The following MYO16 variants were observed in gnomAD, a reference collection of about 807,000 sequenced individuals.
MYO16 encodes the protein unconventional myosin-XVI.
In MYO16, 94 loss-of-function variants were observed where a neutral mutation model predicts 205.3. That is an observed-to-expected ratio of 0.46 (90% CI 0.39 to 0.54). MYO16 has a LOEUF of 0.54. Ranked by LOEUF, MYO16 falls within the 20% of genes least tolerant of loss-of-function variation. MYO16 has a pLI of 0.00. For missense variants in MYO16, 2,315 were observed against 2,387.5 expected, an observed-to-expected ratio of 0.97 and a Z score of 0.63; for synonymous variants, 988 against 954.0, an observed-to-expected ratio of 1.04 and a Z score of -0.66.
At chr13:108,796,990 G>C (rs1886815528) in intron 6 of MYO16, among the ~76,000 whole-genome samples, 1 of 152,042 alleles carries the variant, frequency 6.6e-6, no homozygotes, top group African/African-American at 2.4e-5. Flanking sequence ...GTAAACCGGA[G>C]AGTTTGTTTA....
chr13:108,798,294 G>A (rs2138959488), intron 6 of MYO16, among the ~76,000 whole-genome samples: 1 of 152,224 alleles, frequency 6.6e-6, no homozygotes, highest in Admixed American at 6.5e-5. Context: ...TTCAAAATTA[G>A]GCATAAATTT....
chr13:109,097,344 T>C (rs553441530), intron 27 of MYO16, among the ~76,000 whole-genome samples: 65 of 152,106 alleles, frequency 4.3e-4, no homozygotes, highest in Non-Finnish European at 8.4e-4. Context: ...GGTACTGATA[T>C]CATGTGAGAG....
chr13:108,712,658 C>T lies in MYO16; in HGVS notation c.293-3C>T, dbSNP rs767248628. The T allele has an allele frequency of 3.7e-6, 6 of 1,613,914 alleles. No individual in the cohort carries two copies. The highest frequency in any genetic ancestry group is 5.1e-6 in the Non-Finnish European group (6 of 1,179,762). ...ACTCCATTCTCCTCTCTGTTGTTTT[C>T]AGTGCTTCGGCTCCTGAAGGAGGGG... is the stretch of plus-strand genomic sequence containing the variant. On this transcript the variant is annotated splice_polypyrimidine_tract_variant and splice_region_variant and intron_variant, in intron 2 of 34. Transcript: ENST00000457511.
intron 3 of MYO16, among the ~76,000 whole-genome samples, chr13:108,726,885 ACT>A (rs1241402643): frequency 9.2e-5 from 14 of 151,770 alleles, no homozygotes; most frequent in Admixed American, 2.0e-4. Context: ...ATTTTAGGAG[ACT>A]CTTAAATTTC....
intron 32 of MYO16, among the ~76,000 whole-genome samples, chr13:109,150,802 G>A (rs1877618294): frequency 6.6e-6 from 1 of 152,176 alleles, no homozygotes; most frequent in Non-Finnish European, 1.5e-5. Flanking sequence ...TGTATATTGT[G>A]TCTCTACACT....
chr13:109,112,165 C>G (rs993524340), intron 28 of MYO16, among the ~76,000 whole-genome samples: 1 of 152,080 alleles, frequency 6.6e-6, no homozygotes, highest in African/African-American at 2.4e-5. Flanking sequence ...TAGTAAATAG[C>G]ATCTCTTTTA....
the MYO16 span, among the ~76,000 whole-genome samples, chr13:108,510,239 C>T: frequency 6.6e-6 from 1 of 151,974 alleles, no homozygotes; most frequent in Non-Finnish European, 1.5e-5. Context: ...GCCTCAGCCT[C>T]CCGAGTAGCT....
chr13:108,683,774 C>T (rs1179124788), intron 2 of MYO16, among the ~76,000 whole-genome samples: 1 of 152,218 alleles, frequency 6.6e-6, no homozygotes. Flanking sequence ...GCCTGAGAAT[C>T]TGGGGCCCTG....
In MYO16 at chr13:108,827,627, G is replaced by A. The variant is rs148142416; in HGVS notation, c.1097+4349G>A. Among the ~76,000 whole-genome samples the A allele has an allele frequency of 8.8e-4, 134 of 152,254 alleles. No individual in the cohort carries two copies. The East Asian group carries it at 0.024, about 27-fold the overall frequency. ...TTTAATTTCAAAGGCCCTTCCACCT[G>A]TAACATTCTGTATCTGTAAGGACAG... On this transcript the variant is annotated intron_variant, in intron 9 of 34. Transcript: ENST00000457511.
At chr13:108,543,109 C>A in the MYO16 span, among the ~76,000 whole-genome samples, 1 of 151,886 alleles carries the variant, frequency 6.6e-6, no homozygotes, top group African/African-American at 2.4e-5. Context: ...TATAACAAGT[C>A]TTTCGCTAAA....
At position 109,141,229 on chromosome 13, in the gene MYO16, G is replaced by T. The variant is rs769877576; in HGVS notation, c.5017G>T (p.Gly1673Cys). 4.4e-6 allele frequency: 7 copies of T among 1,605,534 alleles called. No homozygotes were observed. In the African/African-American group the frequency reaches 6.8e-5, roughly 15 times the overall value. The part of the protein sequence containing the change: ...KATRADARKA[G>C]SSASPPAPYS... ...CACCAGGGCGGACGCCAGGAAGGCC[G>T]GCTCCAGTGCCTCGCCCCCCGCGCC... is the stretch of plus-strand genomic sequence containing the variant. The change falls in exon 32 of 35, where the codon GGC becomes TGC. Residue 1673 changes from glycine (G) to cysteine (C), a missense_variant. Around this residue, in one of 3 missense-constraint regions of MYO16, gnomAD observed 1,097 missense variants for 1,092.0 expected, o/e 1.00. Transcript: ENST00000457511. The surrounding 1 kb of genome is among the most constrained non-coding windows in gnomAD (Gnocchi z 4.1).
In MYO16 at chr13:108,727,317, G is replaced by T. The variant is rs1884372964; in HGVS notation, c.364-123G>T. 3 of 936,004 alleles carry T rather than the reference G, an allele frequency of 3.2e-6. No individual in the cohort carries two copies. In the South Asian group the frequency reaches 5.3e-5, roughly 17 times the overall value. 58.0% of individuals were successfully genotyped at this position (936,004 alleles called of 1,614,324 possible). A position where few individuals can be genotyped will look rare whatever the true frequency, so the allele number is the denominator to read the frequency against. On this transcript the variant is annotated intron_variant, in intron 3 of 34. Coordinates refer to ENST00000457511, the MANE Select transcript of MYO16 (RefSeq NM_001198950.3). ...GTTGGGGAAATACATCTTTTCCCAG[G>T]TTAGCTTCACCTCTCAACTCCCAAA...
At chr13:109,001,571 T>G (rs1885213730) in intron 21 of MYO16, among the ~76,000 whole-genome samples, 1 of 152,136 alleles carries the variant, frequency 6.6e-6, no homozygotes, top group Non-Finnish European at 1.5e-5. Flanking sequence ...TAAACTAGAC[T>G]TTTAAAACTG....
chr13:109,096,600 C>T (rs1888784041), intron 27 of MYO16, among the ~76,000 whole-genome samples: 1 of 152,138 alleles, frequency 6.6e-6, no homozygotes, highest in Non-Finnish European at 1.5e-5. Context: ...TATGAAAAGC[C>T]CTTTGCATTC....
intron 6 of MYO16, among the ~76,000 whole-genome samples, chr13:108,800,110 T>C (rs1886924884): frequency 6.6e-6 from 1 of 152,140 alleles, no homozygotes; most frequent in Admixed American, 6.5e-5. Context: ...TTTTGGGAGT[T>C]TGAGGACACT....
chr13:109,199,857 A>G (rs1880333192), intron 34 of MYO16, among the ~76,000 whole-genome samples: 1 of 152,262 alleles, frequency 6.6e-6, no homozygotes, highest in African/African-American at 2.4e-5. Context: ...TACCAGTAGT[A>G]CATAAAGTTT....
chr13:109,095,321 G>A (rs1888744520), intron 27 of MYO16, among the ~76,000 whole-genome samples: 1 of 151,946 alleles, frequency 6.6e-6, no homozygotes, highest in East Asian at 1.9e-4. Context: ...TCCCTCTCCA[G>A]TTGCTCCTGT....
At chr13:108,973,549 A>G (rs997183127) in intron 20 of MYO16, among the ~76,000 whole-genome samples, 13 of 150,484 alleles carry the variant, frequency 8.6e-5, no homozygotes, top group Non-Finnish European at 1.5e-4. Context: ...CAGCACATTC[A>G]CAACGTTGCC....
chr13:109,149,333 C>T lies in MYO16; in HGVS notation c.5164+7957C>T, dbSNP rs150996830. Among the ~76,000 whole-genome samples, 4 of 152,282 alleles carry T rather than the reference C, an allele frequency of 2.6e-5. No homozygotes were observed. The East Asian group carries it at 7.7e-4, about 29-fold the overall frequency. On this transcript the variant is annotated intron_variant, in intron 32 of 34. Coordinates refer to ENST00000457511, the MANE Select transcript of MYO16 (RefSeq NM_001198950.3). Reference sequence around the variant, plus strand: ...CCAAGCACATTGACGTCTCCTTTCTCCCCCTGGACCCTTGCGTCTCAGTGA... The same window carrying T: ...CCAAGCACATTGACGTCTCCTTTCTTCCCCTGGACCCTTGCGTCTCAGTGA...
Sources: allele counts gnomAD v4.1 joint callset (sites outside exome capture counted in the v4.1 genomes callset), GRCh38; gene constraint gnomAD v4.1.1; regional missense constraint gnomAD v4.1.1; non-coding constraint Gnocchi (gnomAD v3.1); transcripts MANE v1.5; gene names NCBI Gene and HGNC (gene_info 2026-07-23, HGNC 2026-07-21).